The following QTMAN variants were observed in gnomAD, a reference collection of about 807,000 sequenced individuals.
QTMAN encodes the protein queuosine-tRNA mannosyltransferase.
the QTMAN span, among the ~76,000 whole-genome samples, chr2:144,225,791 C>T: frequency 6.6e-6 from 1 of 152,158 alleles, no homozygotes. Flanking sequence ...CTGTAGTGCC[C>T]TAAATTTTGC....
chr2:144,232,159 C>T, the QTMAN span, among the ~76,000 whole-genome samples: 1 of 151,988 alleles, frequency 6.6e-6, no homozygotes, highest in Non-Finnish European at 1.5e-5. Flanking sequence ...GGAACTGTAG[C>T]ATTTATTACA....
chr2:144,175,950 C>T, the QTMAN span, among the ~76,000 whole-genome samples: 27 of 152,238 alleles, frequency 1.8e-4, no homozygotes, highest in South Asian at 5.0e-3. Context: ...CAGGTGTGAG[C>T]CACCATGCTC....
chr2:144,286,246 A>C, the QTMAN span, among the ~76,000 whole-genome samples: 1 of 152,190 alleles, frequency 6.6e-6, no homozygotes, highest in Non-Finnish European at 1.5e-5. Flanking sequence ...AACCCTTCCA[A>C]ATTAGAGACT....
chr2:144,013,899 T>C, the QTMAN span, among the ~76,000 whole-genome samples: 152,271 of 152,284 alleles, frequency 1, 76,129 homozygotes, highest in Middle Eastern at 1. Context: ...CATGCTACCC[T>C]ACATGTGTCC....
At chr2:144,150,872 C>G in the QTMAN span, among the ~76,000 whole-genome samples, 5 of 152,132 alleles carry the variant, frequency 3.3e-5, no homozygotes, top group Non-Finnish European at 5.9e-5. Context: ...TTTTGGTGCT[C>G]TAAGCATGTG....
chr2:144,160,922 T>C, the QTMAN span, among the ~76,000 whole-genome samples: 2 of 152,178 alleles, frequency 1.3e-5, no homozygotes, highest in Non-Finnish European at 2.9e-5. Flanking sequence ...CAACCTTTTT[T>C]CACTTCCTTT....
chr2:144,087,756 C>A, the QTMAN span, among the ~76,000 whole-genome samples: 1 of 152,016 alleles, frequency 6.6e-6, no homozygotes, highest in Non-Finnish European at 1.5e-5. Flanking sequence ...AAAGTCCTTT[C>A]ATTATAAAAA....
chr2:144,144,676 A>C, the QTMAN span, among the ~76,000 whole-genome samples: 4 of 152,080 alleles, frequency 2.6e-5, no homozygotes, highest in East Asian at 3.9e-4. Flanking sequence ...GCTTGTAAAA[A>C]TGATTGTAGG....
At chr2:144,190,459 T>C in the QTMAN span, among the ~76,000 whole-genome samples, 1 of 152,216 alleles carries the variant, frequency 6.6e-6, no homozygotes. Context: ...GAAAAATAAC[T>C]GGCTGTCACT....
At chr2:144,288,655 G>T in the QTMAN span, among the ~76,000 whole-genome samples, 1 of 152,112 alleles carries the variant, frequency 6.6e-6, no homozygotes, top group Non-Finnish European at 1.5e-5. Flanking sequence ...TAAAACAGAG[G>T]TCTTCCAAGG....
chr2:144,052,777 A>G, the QTMAN span, among the ~76,000 whole-genome samples: 6 of 151,990 alleles, frequency 3.9e-5, no homozygotes, highest in African/African-American at 1.4e-4. Context: ...TCAATCTCCT[A>G]AGTAGCTGGG....
At chr2:143,977,020 T>C in the QTMAN span, among the ~76,000 whole-genome samples, 29 of 152,332 alleles carry the variant, frequency 1.9e-4, no homozygotes, top group African/African-American at 6.3e-4. Context: ...TAACAGTAAC[T>C]ACATTTAAAG....
chr2:144,151,707 C>G, the QTMAN span, among the ~76,000 whole-genome samples: 2 of 152,168 alleles, frequency 1.3e-5, no homozygotes, highest in African/African-American at 4.8e-5. Flanking sequence ...TACATACACA[C>G]ATAAATGAAA....
At chr2:144,209,525 AG>A in the QTMAN span, among the ~76,000 whole-genome samples, 1 of 152,228 alleles carries the variant, frequency 6.6e-6, no homozygotes. Flanking sequence ...TGAACCAGTA[AG>A]GTTTCTACAA....
chr2:144,263,168 CTT>C, the QTMAN span, among the ~76,000 whole-genome samples: 1 of 151,328 alleles, frequency 6.6e-6, no homozygotes, highest in African/African-American at 2.4e-5. Flanking sequence ...CTATGTCCCT[CTT>C]TCATTTTTTT....
chr2:144,136,676 G>A, the QTMAN span, among the ~76,000 whole-genome samples: 1 of 152,078 alleles, frequency 6.6e-6, no homozygotes, highest in South Asian at 2.1e-4. Flanking sequence ...TAGGTTGCAA[G>A]ATTACTCCCT....
the QTMAN span, among the ~76,000 whole-genome samples, chr2:144,318,404 A>G: frequency 6.6e-6 from 1 of 152,204 alleles, no homozygotes; most frequent in Non-Finnish European, 1.5e-5. Flanking sequence ...CATCCCTTTC[A>G]TTCCAGATTC....
the QTMAN span, among the ~76,000 whole-genome samples, chr2:144,009,886 C>T: frequency 6.6e-6 from 1 of 151,924 alleles, no homozygotes; most frequent in Non-Finnish European, 1.5e-5. Flanking sequence ...GACTATGACA[C>T]TATCTTCAAT....
the QTMAN span, among the ~76,000 whole-genome samples, chr2:143,954,302 T>C: frequency 1.7e-3 from 259 of 152,140 alleles, 4 homozygotes; most frequent in African/African-American, 6.0e-3. Context: ...CAAATACATA[T>C]GAACATTCTC....
Sources: gnomAD v4.1 joint callset for allele counts (sites outside exome capture counted in the v4.1 genomes callset) on GRCh38, gnomAD v4.1.1 for gene constraint, MANE v1.5 for transcripts, NCBI Gene and HGNC (gene_info 2026-07-23, HGNC 2026-07-21) for gene names.